NIPAL1: variants seen among roughly 807,000 people sequenced by gnomAD.
NIPAL1 encodes NIPA like domain containing 1, also known as magnesium transporter NIPA3.
NIPAL1 carries 35 observed loss-of-function variants against 37.7 expected under a neutral mutation model. The ratio of observed to expected loss-of-function variants is 0.93; its 90% CI spans 0.71 to 1.23. The LOEUF is 1.23. Among genes scored for constraint, NIPAL1 ranks in the 50% most tolerant of loss-of-function variants. NIPAL1 has a pLI of 0.00. For missense variants in NIPAL1, 412 were observed against 473.9 expected, an observed-to-expected ratio of 0.87 and a Z score of 1.21; for synonymous variants, 162 against 183.0, an observed-to-expected ratio of 0.89 and a Z score of 0.93.
intron 3 of NIPAL1, among the ~76,000 whole-genome samples, chr4:48,032,468 T>C (rs1244262318): frequency 2.0e-5 from 3 of 152,246 alleles, no homozygotes; most frequent in African/African-American, 7.2e-5. Flanking sequence ...GCTACTGAGA[T>C]ACTGTTACTT....
chr4:48,030,131 C>T lies in NIPAL1; in HGVS notation c.325C>T (p.His109Tyr). Residue 109 changes from histidine to tyrosine, a missense_variant, in exon 3 of 6, where the codon CAT becomes TAT. Physicochemically the swap from His to Tyr is moderately conservative, Grantham distance 83 (BLOSUM62 2). Coordinates refer to ENST00000295461, the MANE Select transcript of NIPAL1 (RefSeq NM_207330.3). The stretch of plus-strand genomic sequence containing the variant: ...TTTTTGTATTTTAGGACAAGGTGGA[C>T]ATTCTTACCTGAAGGAATGGCTCTG... ...KGFTRAGQGGHSYLKEWLWWV... is the reference protein window; with the variant it reads ...KGFTRAGQGGYSYLKEWLWWV... 1 of 1,601,886 alleles carries T rather than the reference C, an allele frequency of 6.2e-7. No homozygotes were observed. Among genetic ancestry groups the T allele is most frequent in the Non-Finnish European group, 8.6e-7 (1 of 1,169,460 alleles).
intron 1 of NIPAL1, among the ~76,000 whole-genome samples, chr4:48,024,461 T>TA: frequency 6.6e-6 from 1 of 150,912 alleles, no homozygotes. Context: ...CAATTTTTTT[T>TA]ATGTAGATGG....
At position 48,027,595 on chromosome 4, in the gene NIPAL1, T is replaced by G. The variant is rs1389575069; in HGVS notation, c.313+2261T>G. ...CAGTTAACTACTTTGCAAAATAGTC[T>G]TCATAGCTTATATATCCTGTTTAAT... On this transcript the variant is annotated intron_variant, in intron 2 of 5. Coordinates refer to ENST00000295461, the MANE Select transcript of NIPAL1 (RefSeq NM_207330.3). The surrounding 1 kb of genome is among the most constrained non-coding windows in gnomAD (Gnocchi z 4.1). Among the ~76,000 whole-genome samples, 3 of 152,208 alleles carry G rather than the reference T, an allele frequency of 2.0e-5. No homozygotes were observed. The South Asian group carries it at 6.2e-4, about 32-fold the overall frequency.
In NIPAL1 at chr4:48,036,187, C is replaced by T; in HGVS notation, c.*15C>T. On this transcript the variant is annotated 3_prime_UTR_variant, in exon 6 of 6. Coordinates refer to ENST00000295461, the MANE Select transcript of NIPAL1 (RefSeq NM_207330.3). ...CTGATGACTGAAGTCTCTAGAAACA[C>T]TGAGTTTTAACCAATATGAGACACA... 3 of 1,582,568 alleles carry T rather than the reference C, an allele frequency of 1.9e-6. No homozygotes were observed. The highest frequency in any genetic ancestry group is 2.2e-5 in the East Asian group (1 of 44,718).
intron 4 of NIPAL1, among the ~76,000 whole-genome samples, chr4:48,033,378 T>G (rs1366761574): frequency 1.3e-5 from 2 of 152,196 alleles, no homozygotes; most frequent in Admixed American, 1.3e-4. Context: ...GGAAATAGAC[T>G]GTCACATTAT....
In NIPAL1 at chr4:48,037,382, C is replaced by G. The variant is rs1007352288; in HGVS notation, c.*1210C>G. ...GAGTCACTTATGTTCATTTTTTTTC[C>G]TTTTCTTTTACTATTATCCTAAAGG... On this transcript the variant is annotated 3_prime_UTR_variant, in exon 6 of 6. Transcript: ENST00000295461. The G allele has an allele frequency of 3.2e-5, 10 of 311,028 alleles. No individual in the cohort carries two copies. The highest frequency in any genetic ancestry group is 6.4e-5 in the Non-Finnish European group (10 of 156,648). The allele number at this position is 311,028 out of a possible 1,614,324, so 19.3% of individuals were successfully genotyped here.
chr4:48,026,422 T>A (rs1358398893), intron 2 of NIPAL1, among the ~76,000 whole-genome samples: 1 of 152,174 alleles, frequency 6.6e-6, no homozygotes, highest in Non-Finnish European at 1.5e-5. Flanking sequence ...AGAGTACTAT[T>A]GAGAGGAGAT....
At chr4:48,029,418 C>G (rs1006191527) in intron 2 of NIPAL1, among the ~76,000 whole-genome samples, 1 of 151,932 alleles carries the variant, frequency 6.6e-6, no homozygotes, top group East Asian at 1.9e-4. Context: ...ATTAGAGATT[C>G]CAAAAGGTGG....
intron 1 of NIPAL1, 94 bp from the exon 2 acceptor site, chr4:48,024,973 AC>A (rs1047573913): frequency 1.9e-6 from 2 of 1,067,576 alleles, no homozygotes; most frequent in African/African-American, 3.2e-5. Context: ...ATGTTTCAGT[AC>A]CATCCACTCA....
chr4:48,026,908 G>A (rs879580189), intron 2 of NIPAL1, among the ~76,000 whole-genome samples: 2 of 151,698 alleles, frequency 1.3e-5, no homozygotes, highest in Non-Finnish European at 2.9e-5. Flanking sequence ...AGTAGAGACG[G>A]GGTTTCACCA....
In NIPAL1 at chr4:48,025,327, T is replaced by C. The variant is rs546674194; in HGVS notation, c.306T>C (p.Thr102=). 1,522 of 1,613,604 alleles carry C rather than the reference T, an allele frequency of 9.4e-4. 17 individuals are homozygous for C. The South Asian group carries it at 0.015, about 16-fold the overall frequency. Residue 102 remains threonine, a synonymous_variant, in exon 2 of 6, where the codon ACT becomes ACC. Transcript: ENST00000295461. The part of the protein sequence containing the change: ...GLLQLASKGF[T]RAGQGGHSYL... ...TGCAACTGGCCAGCAAGGGCTTTAC[T>C]AGAGCTGGTAAGAAACACATGCAAC...
At chr4:48,028,792 C>T (rs902945505) in intron 2 of NIPAL1, among the ~76,000 whole-genome samples, 5 of 152,084 alleles carry the variant, frequency 3.3e-5, no homozygotes, top group South Asian at 4.1e-4. Flanking sequence ...GACATGCAAG[C>T]GACCAACATA....
chr4:48,034,221 A>G (rs1459068805), intron 4 of NIPAL1, among the ~76,000 whole-genome samples: 2 of 152,260 alleles, frequency 1.3e-5, no homozygotes, highest in East Asian at 1.9e-4. Context: ...AGCTTCTCCA[A>G]CCCATGGCCC....
chr4:48,020,144 A>G (rs959467547), intron 1 of NIPAL1, among the ~76,000 whole-genome samples: 1 of 152,188 alleles, frequency 6.6e-6, no homozygotes, highest in Non-Finnish European at 1.5e-5. Flanking sequence ...TACACCATAC[A>G]TATTTGTTGA....
In NIPAL1 at chr4:48,027,098, TTATC is replaced by T. The variant is rs1276562792; in HGVS notation, c.313+1767_313+1770del. Among the ~76,000 whole-genome samples, 1 of 152,022 alleles carries T rather than the reference TTATC, an allele frequency of 6.6e-6. No homozygotes were observed. Among genetic ancestry groups the T allele is most frequent in the East Asian group, 1.9e-4 (1 of 5,172 alleles). Reference sequence around the variant, plus strand: ...AATTTATTTTATATAAAGGAAGAGATTATCTAGATTGACAAAAAAAATCCTATAT... The same window carrying T: ...AATTTATTTTATATAAAGGAAGAGATTAGATTGACAAAAAAAATCCTATAT... On this transcript the variant is annotated intron_variant, in intron 2 of 5. Transcript: ENST00000295461. The surrounding 1 kb of genome is among the most constrained non-coding windows in gnomAD (Gnocchi z 4.1).
rs773374562 is a variant in NIPAL1 at position 48,036,092 on chromosome 4, T to TA, written c.1154dup (p.Tyr385Ter). 4.4e-6 allele frequency: 7 copies of TA among 1,608,918 alleles called. No individual in the cohort carries two copies. The highest frequency in any genetic ancestry group is 5.9e-6 in the Non-Finnish European group (7 of 1,177,684). Residue 385 changes from tyrosine to a stop codon, truncating the protein, a stop_gained and frameshift_variant, in exon 6 of 6, where the codon TAT becomes TAAT. Coordinates refer to ENST00000295461, the MANE Select transcript of NIPAL1 (RefSeq NM_207330.3). LOFTEE classifies it high-confidence loss of function. ...CTCTCTGAATGTCAATGAAAACAAT[T>TA]ATGTTTTACTAGAGAACTTGGAGTG... ...AVSLNVNENN[Y>*]VLLENLECSA...
chr4:48,031,025 A>C (rs888504285), intron 3 of NIPAL1, among the ~76,000 whole-genome samples: 2 of 152,062 alleles, frequency 1.3e-5, no homozygotes, highest in African/African-American at 4.8e-5. Flanking sequence ...TAGCCCCTTC[A>C]GTTCTTGTTT....
chr4:48,025,357 G>A, intron 2 of NIPAL1, 23 bp downstream of exon 2: 1 of 1,606,510 alleles, frequency 6.2e-7, no homozygotes, highest in Non-Finnish European at 8.5e-7. Context: ...TGCAACTAAT[G>A]AATTTAAGTT....
chr4:48,017,201 G>T (rs1053292477), intron 1 of NIPAL1, among the ~76,000 whole-genome samples: 9 of 152,206 alleles, frequency 5.9e-5, no homozygotes, highest in Non-Finnish European at 1.2e-4. Context: ...GGATGCTATG[G>T]GAAGAATCCC....
Sources: gnomAD v4.1 joint callset for allele counts (sites outside exome capture counted in the v4.1 genomes callset) on GRCh38, gnomAD v4.1.1 for gene constraint, Gnocchi (gnomAD v3.1) non-coding constraint, MANE v1.5 for transcripts, NCBI Gene and HGNC (gene_info 2026-07-23, HGNC 2026-07-21) for gene names.